The following TASOR variants were observed in gnomAD, a reference collection of about 807,000 sequenced individuals.
The protein encoded by TASOR is protein TASOR.
A neutral mutation model predicts 178.6 loss-of-function variants in TASOR; 53 were observed. That is an observed-to-expected ratio of 0.30 (90% CI 0.24 to 0.37). The LOEUF is 0.37. Ranked by LOEUF, TASOR falls within the 10% of genes least tolerant of loss-of-function variation. TASOR has a pLI of 1.00. For synonymous variants in TASOR, 713 were observed against 696.2 expected (o/e 1.02, Z -0.38); for missense variants, 1,815 against 1,971.4 (o/e 0.92, Z 1.50).
chr3:56,623,148 A>G lies in TASOR; in HGVS notation c.4902T>C (p.Asn1634=), dbSNP rs61754213. ...YALSSSQSQE[N]ENYFLSAYTE... ...TATAAGCAGATAAGAAGTAATTCTC[A>G]TTTTCTTGAGACTGACTTGATGAAA... The change falls in exon 24 of 24, where the codon AAT becomes AAC. Residue 1634 remains asparagine, a synonymous_variant. Transcript: ENST00000683822. The G allele has an allele frequency of 6.4e-3, 10,287 of 1,613,784 alleles. 46 individuals are homozygous for G. Among genetic ancestry groups the G allele is most frequent in the Non-Finnish European group, 7.4e-3 (8,678 of 1,179,818 alleles).
intron 1 of TASOR, among the ~76,000 whole-genome samples, chr3:56,680,169 A>G (rs1427907406): frequency 6.6e-6 from 1 of 152,190 alleles, no homozygotes; most frequent in Non-Finnish European, 1.5e-5. Context: ...AACTACCTTC[A>G]AATTCCATCT....
chr3:56,632,991 AC>A, intron 18 of TASOR, 52 bp downstream of exon 18: 1 of 1,377,224 alleles, frequency 7.3e-7, no homozygotes, highest in Non-Finnish European at 9.8e-7. Flanking sequence ...TATAGAGGTC[AC>A]ACCAACAAGA....
At chr3:56,645,350 G>C (rs1057288687) in intron 14 of TASOR, among the ~76,000 whole-genome samples, 3 of 152,164 alleles carry the variant, frequency 2.0e-5, no homozygotes, top group African/African-American at 7.2e-5. Flanking sequence ...GAGCAAAAGT[G>C]TAAAAAGACA....
intron 2 of TASOR, 134 bp downstream of exon 2, chr3:56,673,433 CAAAAAAAAAAAAA>C (rs5849162): frequency 1.0e-5 from 2 of 194,768 alleles, no homozygotes; most frequent in Non-Finnish European, 1.7e-5. Context: ...ACTCCGTCTC[CAAAAAAAAAAAAA>C]AAAAAAAAAA....
At chr3:56,639,423 A>T (rs9825168) in intron 16 of TASOR, among the ~76,000 whole-genome samples, 93,581 of 151,768 alleles carry the variant, frequency 0.62, 31,449 homozygotes, top group East Asian at 0.96. Context: ...AAAAAAAAAA[A>T]GATAATATTT....
At chr3:56,653,606 T>C (rs917019012) in intron 11 of TASOR, among the ~76,000 whole-genome samples, 2 of 152,140 alleles carry the variant, frequency 1.3e-5, no homozygotes, top group Non-Finnish European at 1.5e-5. Context: ...CAGAATTGTG[T>C]ACCCAGCACC....
chr3:56,667,761 C>T (rs2030205623), intron 6 of TASOR, among the ~76,000 whole-genome samples: 1 of 152,120 alleles, frequency 6.6e-6, no homozygotes, highest in African/African-American at 2.4e-5. Context: ...AACAGGGAGA[C>T]CCCCATCTCT....
chr3:56,648,798 G>A (rs963071033), intron 13 of TASOR, 24 bp downstream of exon 13: 5 of 1,536,472 alleles, frequency 3.3e-6, no homozygotes, highest in Non-Finnish European at 4.5e-6. Context: ...TAAGTAACCA[G>A]ATTTAGATAT....
At chr3:56,671,168 G>A (rs529291941) in intron 3 of TASOR, among the ~76,000 whole-genome samples, 3 of 151,602 alleles carry the variant, frequency 2.0e-5, no homozygotes, top group Non-Finnish European at 4.4e-5. Context: ...GTGATACCCC[G>A]TCTCTACTAA....
At position 56,623,297 on chromosome 3, in the gene TASOR, T is replaced by G. The variant is rs2076728249; in HGVS notation, c.4753A>C (p.Asn1585His). The stretch of plus-strand genomic sequence containing the variant: ...CTATATGAATCTTGTTCTGTTGAAT[T>G]GCTGTTCTCTCCTTCAGAGCATACT... ...DIVCSEGENS[N>H]STEQDSYSNF... Residue 1585 changes from asparagine to histidine, a missense_variant, in exon 24 of 24, where the codon AAT (asparagine) becomes CAT (histidine). Asn to His is a moderately conservative substitution (Grantham distance 68). Around this residue, in one of 5 missense-constraint regions of TASOR, gnomAD observed 278 missense variants for 257.1 expected, o/e 1.08. Coordinates refer to ENST00000683822, the MANE Select transcript of TASOR (RefSeq NM_001365635.2). The G allele has an allele frequency of 6.2e-7, 1 of 1,613,614 alleles. No homozygotes were observed. Among genetic ancestry groups the G allele is most frequent in the Non-Finnish European group, 8.5e-7 (1 of 1,179,964 alleles).
chr3:56,655,533 G>C (rs1235211292), intron 11 of TASOR, among the ~76,000 whole-genome samples: 1 of 152,078 alleles, frequency 6.6e-6, no homozygotes, highest in African/African-American at 2.4e-5. Context: ...TTGGGAGGTG[G>C]AGGCATGAGG....
intron 11 of TASOR, among the ~76,000 whole-genome samples, chr3:56,654,691 G>A (rs2077432001): frequency 1.3e-5 from 2 of 152,170 alleles, no homozygotes; most frequent in African/African-American, 4.8e-5. Context: ...TAAAGAGAAT[G>A]AAAGGCAAAC....
chr3:56,664,701 G>A (rs752542646), intron 7 of TASOR, among the ~76,000 whole-genome samples: 1 of 152,132 alleles, frequency 6.6e-6, no homozygotes, highest in African/African-American at 2.4e-5. Context: ...AGTAAAAAAT[G>A]AGCAGACATT....
chr3:56,645,305 A>C (rs373562801), intron 14 of TASOR, among the ~76,000 whole-genome samples: 10 of 152,316 alleles, frequency 6.6e-5, no homozygotes, highest in African/African-American at 2.2e-4. Flanking sequence ...AAGAGCAGGA[A>C]AGTGAAAAGT....
intron 11 of TASOR, among the ~76,000 whole-genome samples, chr3:56,650,737 C>T (rs9871265): frequency 0.17 from 25,979 of 152,062 alleles, 2,808 homozygotes; most frequent in South Asian, 0.35. Flanking sequence ...GGCCAAGTTA[C>T]ATCATACTGC....
chr3:56,632,105 T>C (rs2076927927), intron 18 of TASOR, among the ~76,000 whole-genome samples: 1 of 152,202 alleles, frequency 6.6e-6, no homozygotes, highest in African/African-American at 2.4e-5. Flanking sequence ...TTCTATATGA[T>C]TGATCAAATC....
Position 56,683,096 on chromosome 3 carries a change from C to G in TASOR, c.-90G>C. 1.5e-6 allele frequency: 2 copies of G among 1,362,146 alleles called. No individual in the cohort carries two copies. The highest frequency in any genetic ancestry group is 3.0e-5 in the South Asian group (2 of 66,544). The allele number at this position is 1,362,146 out of a possible 1,614,324, so 84.4% of individuals were successfully genotyped here. ...GCGGCGGGCCAGTCTCGCCGCCGAGCTGCTCTCAGCCCACCCACCCCCTTC... is the reference window on the plus strand; with the variant it reads ...GCGGCGGGCCAGTCTCGCCGCCGAGGTGCTCTCAGCCCACCCACCCCCTTC... On this transcript the variant is annotated 5_prime_UTR_variant, in exon 1 of 24. Coordinates refer to ENST00000683822, the MANE Select transcript of TASOR (RefSeq NM_001365635.2).
intron 18 of TASOR, among the ~76,000 whole-genome samples, chr3:56,630,575 G>A (rs1160210518): frequency 1.3e-5 from 2 of 152,196 alleles, no homozygotes; most frequent in Non-Finnish European, 2.9e-5. Flanking sequence ...TGGGTGCGAT[G>A]GCTCACGCCT....
chr3:56,624,294 A>G (rs2076751732), intron 23 of TASOR, among the ~76,000 whole-genome samples, 185 bp downstream of exon 23: 1 of 152,252 alleles, frequency 6.6e-6, no homozygotes, highest in Non-Finnish European at 1.5e-5. Context: ...TGGCTACAGT[A>G]TAATAAATGA....
Sources: allele counts gnomAD v4.1 joint callset (sites outside exome capture counted in the v4.1 genomes callset), GRCh38; gene constraint gnomAD v4.1.1; regional missense constraint gnomAD v4.1.1; transcripts MANE v1.5; gene names NCBI Gene and HGNC (gene_info 2026-07-23, HGNC 2026-07-21).